The following CACNG4 variants were observed in gnomAD, a reference collection of about 807,000 sequenced individuals.
The protein encoded by CACNG4 is calcium voltage-gated channel auxiliary subunit gamma 4, also known as voltage-dependent calcium channel gamma-4 subunit.
Under a neutral mutation model 22.9 loss-of-function variants are expected in CACNG4, and 8 were observed. That is an observed-to-expected ratio of 0.35 (90% CI 0.21 to 0.63). CACNG4 has a LOEUF of 0.63. Among genes scored for constraint, CACNG4 ranks in the 30% least tolerant of loss-of-function variants. The pLI, the probability that CACNG4 is intolerant of heterozygous loss-of-function variation, is 0.72. For missense variants in CACNG4, 357 were observed against 455.4 expected, an observed-to-expected ratio of 0.78 and a Z score of 1.97; for synonymous variants, 188 against 191.9, an observed-to-expected ratio of 0.98 and a Z score of 0.17.
rs868557268 is a variant in CACNG4 at position 66,964,734 on chromosome 17, C to A, written c.-178C>A. Among the ~76,000 whole-genome samples, 62 of 145,686 alleles carry A rather than the reference C, an allele frequency of 4.3e-4. No homozygotes were observed. The highest frequency in any genetic ancestry group is 1.5e-3 in the African/African-American group (60 of 40,764). The stretch of plus-strand genomic sequence containing the variant: ...TCGTCGCCGCGCCTCGGAGTTTGAG[C>A]CCCAGCGCTGCCGGAGCGCAGGCAC... On this transcript the variant is annotated 5_prime_UTR_variant, in exon 1 of 4. Transcript: ENST00000262138.
At chr17:66,987,806 A>G (rs896465696) in intron 1 of CACNG4, among the ~76,000 whole-genome samples, 1 of 152,022 alleles carries the variant, frequency 6.6e-6, no homozygotes, top group African/African-American at 2.4e-5. Context: ...CCAGAAGCCA[A>G]GGGCAAGGGA....
chr17:67,015,369 GGA>G (rs1015427882), intron 1 of CACNG4, among the ~76,000 whole-genome samples: 1 of 152,150 alleles, frequency 6.6e-6, no homozygotes, highest in Admixed American at 6.5e-5. Context: ...CTTGGGTCAG[GGA>G]GGGGACGGGC....
intron 1 of CACNG4, among the ~76,000 whole-genome samples, chr17:66,985,395 A>G (rs2035299325): frequency 6.6e-6 from 1 of 152,246 alleles, no homozygotes; most frequent in Admixed American, 6.5e-5. Flanking sequence ...TTCAGTAATG[A>G]GTCTATTGTC....
Position 67,031,352 on chromosome 17 carries a change from A to C in CACNG4, c.*348A>C, listed in dbSNP as rs962736200. 2.0e-6 allele frequency: 1 copy of C among 499,384 alleles called. No homozygotes were observed. The highest frequency in any genetic ancestry group is 3.9e-6 in the Non-Finnish European group (1 of 255,840). The allele number at this position is 499,384 out of a possible 1,614,324, so 30.9% of individuals were successfully genotyped here. A position where few individuals can be genotyped will look rare whatever the true frequency, so the allele number is the denominator to read the frequency against. ...GAGCCATTATCTCCTCTTGGAAACGAATCTTGCCAGAAAAACGGGATTTCA... is the reference window on the plus strand; with the variant it reads ...GAGCCATTATCTCCTCTTGGAAACGCATCTTGCCAGAAAAACGGGATTTCA... On this transcript the variant is annotated 3_prime_UTR_variant, in exon 4 of 4. Coordinates refer to ENST00000262138, the MANE Select transcript of CACNG4 (RefSeq NM_014405.4). This position sits in a 1 kb window ranked among gnomAD's most constrained non-coding sequence, Gnocchi z 4.0.
At chr17:66,968,979 T>C (rs1373758994) in intron 1 of CACNG4, among the ~76,000 whole-genome samples, 9 of 151,908 alleles carry the variant, frequency 5.9e-5, no homozygotes, top group African/African-American at 9.7e-5. Flanking sequence ...CACCTCATTC[T>C]TTGTATCTTT....
intron 1 of CACNG4, among the ~76,000 whole-genome samples, chr17:67,013,881 C>T (rs112195295): frequency 0.026 from 4,030 of 152,188 alleles, 69 homozygotes; most frequent in Middle Eastern, 0.089. Flanking sequence ...CGTGTGCAGA[C>T]GAGCCTGTAC....
chr17:66,965,208 GCGCGCACACACACA>G (rs1461293931), intron 1 of CACNG4, 77 bp downstream of exon 1: 3 of 796,420 alleles, frequency 3.8e-6, no homozygotes, highest in Non-Finnish European at 5.4e-6. Flanking sequence ...GCGCGCGCGC[GCGCGCACACACACA>G]CACGCGCACA....
intron 1 of CACNG4, among the ~76,000 whole-genome samples, chr17:66,982,189 G>C (rs1036708970): frequency 6.6e-6 from 1 of 152,220 alleles, no homozygotes; most frequent in East Asian, 1.9e-4. Context: ...GACCCAAGCG[G>C]ATTGCCGCTG....
chr17:67,004,058 G>A lies in CACNG4; in HGVS notation c.221-14131G>A, dbSNP rs75675717. On this transcript the variant is annotated intron_variant, in intron 1 of 3. Transcript: ENST00000262138. ...AGAGATCTGCAGAGGCAAACCAACG[G>A]AAAAGCTGAAATCTGCAGAGAGCTG... Among the ~76,000 whole-genome samples, 95 of 152,304 alleles carry A rather than the reference G, an allele frequency of 6.2e-4. 2 individuals carry two copies. The East Asian group carries it at 0.017, about 28-fold the overall frequency.
Position 67,030,842 on chromosome 17 carries a change from G to A in CACNG4, c.822G>A (p.Leu274=). The change falls in exon 4 of 4, where the codon CTG becomes CTA. Residue 274 remains leucine, a synonymous_variant. Transcript: ENST00000262138. The surrounding 1 kb of genome is among the most constrained non-coding windows in gnomAD (Gnocchi z 6.4). The part of the protein sequence containing the change: ...KITGAIPMGE[L]SMYTLSREPL... ...CAGGGGCCATCCCCATGGGGGAGCT[G>A]TCCATGTACACGCTGTCCAGGGAGC... The A allele has an allele frequency of 1.2e-6, 2 of 1,613,810 alleles. No individual in the cohort carries two copies. The highest frequency in any genetic ancestry group is 1.7e-6 in the Non-Finnish European group (2 of 1,180,022).
intron 2 of CACNG4, among the ~76,000 whole-genome samples, chr17:67,023,575 C>CT (rs34734003): frequency 0.68 from 90,787 of 133,408 alleles, 30,490 homozygotes; most frequent in South Asian, 0.8. Flanking sequence ...GCGCCCAGCC[C>CT]TTTTTTTTTT....
chr17:66,973,035 C>T (rs1300961376), intron 1 of CACNG4, among the ~76,000 whole-genome samples: 1 of 152,136 alleles, frequency 6.6e-6, no homozygotes, highest in Non-Finnish European at 1.5e-5. Context: ...CACCTGAGGT[C>T]AGGAGTTCGA....
intron 1 of CACNG4, among the ~76,000 whole-genome samples, chr17:66,986,920 T>G (rs2035308593): frequency 6.6e-6 from 1 of 152,206 alleles, no homozygotes; most frequent in African/African-American, 2.4e-5. Context: ...GAGGCCACAT[T>G]CTGAGATACT....
Position 66,965,162 on chromosome 17 carries a change from A to C in CACNG4, c.220+31A>C, listed in dbSNP as rs776389431. On this transcript the variant is annotated intron_variant, in intron 1 of 3. Transcript: ENST00000262138. The stretch of plus-strand genomic sequence containing the variant: ...GCCAGCCCCGACCCCTCGCCGCCCC[A>C]CACACACACACACACACACACACAT... The C allele has an allele frequency of 1.2e-3, 965 of 794,274 alleles. 3 individuals carry two copies. The highest frequency in any genetic ancestry group is 0.01 in the African/African-American group (513 of 49,704). The allele number at this position is 794,274 out of a possible 1,614,324, so 49.2% of individuals were successfully genotyped here.
In CACNG4 at chr17:67,019,383, G is replaced by A. The variant is rs76241162; in HGVS notation, c.304+1111G>A. ...TCCTCCTCCTCCTGTCTATGCTCTC[G>A]TTCTGCTTACCGGGGGCCCACACTG... is the stretch of plus-strand genomic sequence containing the variant. On this transcript the variant is annotated intron_variant, in intron 2 of 3. Transcript: ENST00000262138. Among the ~76,000 whole-genome samples the A allele has an allele frequency of 6.6e-3, 997 of 152,150 alleles. 7 individuals carry two copies. Among genetic ancestry groups the A allele is most frequent in the Admixed American group, 0.012 (184 of 15,284 alleles).
In CACNG4 at chr17:66,968,059, A is replaced by AT. The variant is rs1195539159; in HGVS notation, c.220+2929dup. Reference sequence around the variant, plus strand: ...GTGCACATTACCGCGTGGCCTGCCCATGACAGCCCTGGGAGGACGCTGTCT... The same window carrying AT: ...GTGCACATTACCGCGTGGCCTGCCCATTGACAGCCCTGGGAGGACGCTGTCT... On this transcript the variant is annotated intron_variant, in intron 1 of 3. Transcript: ENST00000262138. Among the ~76,000 whole-genome samples the AT allele has an allele frequency of 2.0e-5, 3 of 152,208 alleles. No homozygotes were observed. In the East Asian group the frequency reaches 5.8e-4, roughly 29 times the overall value.
At chr17:67,000,155 CCT>C (rs2035399634) in intron 1 of CACNG4, among the ~76,000 whole-genome samples, 1 of 152,170 alleles carries the variant, frequency 6.6e-6, no homozygotes, top group Non-Finnish European at 1.5e-5. Context: ...TCAGGACTCT[CCT>C]CTCTTTCCTT....
chr17:66,990,673 T>TTATTG (rs2143306837), intron 1 of CACNG4, among the ~76,000 whole-genome samples: 1 of 143,354 alleles, frequency 7.0e-6, no homozygotes, highest in African/African-American at 2.8e-5. Flanking sequence ...TTATTTTATT[T>TTATTG]TATTTTATTT....
intron 1 of CACNG4, among the ~76,000 whole-genome samples, chr17:67,003,225 C>G (rs2035418866): frequency 6.6e-6 from 1 of 151,872 alleles, no homozygotes; most frequent in Non-Finnish European, 1.5e-5. Context: ...CTCGGTTTAT[C>G]CCCATTTGTG....
Sources: gnomAD v4.1 joint callset for allele counts (sites outside exome capture counted in the v4.1 genomes callset) on GRCh38, gnomAD v4.1.1 for gene constraint, Gnocchi (gnomAD v3.1) non-coding constraint, MANE v1.5 for transcripts, NCBI Gene and HGNC (gene_info 2026-07-23, HGNC 2026-07-21) for gene names.